NRG3: variants seen among roughly 807,000 people sequenced by gnomAD.
NRG3 encodes the protein neuregulin 3.
Under a neutral mutation model 66.9 loss-of-function variants are expected in NRG3, and 31 were observed. The ratio of observed to expected loss-of-function variants is 0.46; its 90% CI spans 0.35 to 0.63. The LOEUF (loss-of-function observed/expected upper bound fraction) is 0.63, where lower values mean the gene tolerates loss of function less well. Among genes scored for constraint, NRG3 ranks in the 20% least tolerant of loss-of-function variants. The pLI is 0.00. For synonymous variants in NRG3, 393 were observed against 359.4 expected (o/e 1.09, Z -1.06); for missense variants, 910 against 878.9 (o/e 1.04, Z -0.45).
intron 1 of NRG3, among the ~76,000 whole-genome samples, chr10:81,885,434 T>C (rs1301526107): frequency 6.6e-6 from 1 of 152,158 alleles, no homozygotes; most frequent in African/African-American, 2.4e-5. Context: ...CACTGCGAAG[T>C]ACCCATCACT....
chr10:82,469,803 A>C (rs552366298), intron 2 of NRG3, among the ~76,000 whole-genome samples: 4 of 152,086 alleles, frequency 2.6e-5, no homozygotes, highest in African/African-American at 9.7e-5. Flanking sequence ...GTTGCATTTC[A>C]GATTAGATGG....
intron 2 of NRG3, among the ~76,000 whole-genome samples, chr10:82,496,285 C>T (rs1262839883): frequency 6.6e-6 from 1 of 152,170 alleles, no homozygotes; most frequent in African/African-American, 2.4e-5. Flanking sequence ...ACTGCCAGTA[C>T]AAGGCAAGGA....
chr10:82,873,094 T>A (rs945049998), intron 4 of NRG3, among the ~76,000 whole-genome samples: 2 of 152,136 alleles, frequency 1.3e-5, no homozygotes, highest in African/African-American at 4.8e-5. Context: ...ACATTCAACA[T>A]GATTTTTCAT....
intron 1 of NRG3, among the ~76,000 whole-genome samples, chr10:82,302,010 TTC>T (rs1174373439): frequency 6.6e-6 from 1 of 152,020 alleles, no homozygotes; most frequent in Non-Finnish European, 1.5e-5. Flanking sequence ...TGTGTAATTT[TTC>T]TCTTTCTGTT....
At chr10:82,210,500 T>C (rs1338516302) in intron 1 of NRG3, among the ~76,000 whole-genome samples, 2 of 152,102 alleles carry the variant, frequency 1.3e-5, no homozygotes, top group Non-Finnish European at 2.9e-5. Context: ...GGAGATTGGG[T>C]TGTGCGAAAG....
intron 6 of NRG3, among the ~76,000 whole-genome samples, chr10:82,960,135 T>C (rs571155994): frequency 6.6e-6 from 1 of 152,332 alleles, no homozygotes; most frequent in South Asian, 2.1e-4. Flanking sequence ...TATTATGATG[T>C]CCATAACAGA....
intron 2 of NRG3, among the ~76,000 whole-genome samples, chr10:82,658,640 C>T (rs969077292): frequency 6.6e-6 from 1 of 151,628 alleles, no homozygotes; most frequent in Non-Finnish European, 1.5e-5. Flanking sequence ...AATAGAAAAC[C>T]GATTAGTGGT....
At position 82,985,022 on chromosome 10, in the gene NRG3, G is replaced by A. The variant is rs1051157313; in HGVS notation, c.1584-76G>A. 1.2e-5 allele frequency: 18 copies of A among 1,533,994 alleles called. No individual in the cohort carries two copies. The African/African-American group carries it at 2.5e-4, about 21-fold the overall frequency. On this transcript the variant is annotated intron_variant, in intron 8 of 8. Coordinates refer to ENST00000372141, the MANE Select transcript of NRG3 (RefSeq NM_001010848.4). The stretch of plus-strand genomic sequence containing the variant: ...TTCAGTGAGATGGTGCATGTGAAAA[G>A]TGCTTTGTGGATTGAGTATTGCTCT...
intron 1 of NRG3, among the ~76,000 whole-genome samples, chr10:82,325,065 C>T (rs1293518268): frequency 6.6e-6 from 1 of 152,114 alleles, no homozygotes; most frequent in African/African-American, 2.4e-5. Flanking sequence ...TTGATTTTTG[C>T]TTCATATATT....
At chr10:82,872,811 T>C (rs1841461323) in intron 4 of NRG3, among the ~76,000 whole-genome samples, 1 of 151,746 alleles carries the variant, frequency 6.6e-6, no homozygotes, top group Non-Finnish European at 1.5e-5. Context: ...TTAAGCTGAG[T>C]ATCAGCCAAA....
At chr10:82,029,796 A>C (rs2062479128) in intron 1 of NRG3, among the ~76,000 whole-genome samples, 1 of 152,104 alleles carries the variant, frequency 6.6e-6, no homozygotes, top group African/African-American at 2.4e-5. Flanking sequence ...CAGAATGATT[A>C]ATTAATGTTT....
At chr10:82,223,853 G>A (rs984446078) in intron 1 of NRG3, among the ~76,000 whole-genome samples, 16 of 152,108 alleles carry the variant, frequency 1.1e-4, no homozygotes, top group Non-Finnish European at 2.2e-4. Flanking sequence ...GAATTCTGGC[G>A]CTTCCAGAAA....
At chr10:82,850,961 C>T (rs2063534113) in intron 3 of NRG3, among the ~76,000 whole-genome samples, 1 of 151,818 alleles carries the variant, frequency 6.6e-6, no homozygotes, top group Non-Finnish European at 1.5e-5. Flanking sequence ...GTTTGAATCC[C>T]AGCACTTTTT....
At chr10:82,109,796 T>G (rs1236595146) in intron 1 of NRG3, among the ~76,000 whole-genome samples, 1 of 152,112 alleles carries the variant, frequency 6.6e-6, no homozygotes, top group Non-Finnish European at 1.5e-5. Flanking sequence ...AGCCTTCAAA[T>G]TCAGTACTAG....
chr10:82,785,655 G>A (rs1308661093), intron 3 of NRG3, among the ~76,000 whole-genome samples: 1 of 152,160 alleles, frequency 6.6e-6, no homozygotes, highest in Non-Finnish European at 1.5e-5. Flanking sequence ...TAGGACATCT[G>A]TCAGAAGAAA....
intron 1 of NRG3, among the ~76,000 whole-genome samples, chr10:81,935,030 A>C (rs973877985): frequency 6.6e-6 from 1 of 152,226 alleles, no homozygotes; most frequent in Non-Finnish European, 1.5e-5. Flanking sequence ...CATTTAAGCC[A>C]TGGCTGTTTA....
At chr10:82,540,901 G>A (rs2043496842) in intron 2 of NRG3, among the ~76,000 whole-genome samples, 1 of 152,136 alleles carries the variant, frequency 6.6e-6, no homozygotes, top group African/African-American at 2.4e-5. Context: ...TAGAGATAAG[G>A]CCTTTAAAGA....
intron 4 of NRG3, among the ~76,000 whole-genome samples, chr10:82,915,635 A>G (rs1845760839): frequency 1.2e-5 from 1 of 85,648 alleles, no homozygotes. Flanking sequence ...CTTCAAAGTA[A>G]AAAAAAAATT....
Position 82,231,417 on chromosome 10 carries a change from A to G in NRG3, c.824-127322A>G, listed in dbSNP as rs796525113. Among the ~76,000 whole-genome samples the G allele has an allele frequency of 5.3e-5, 8 of 152,258 alleles. No homozygotes were observed. The South Asian group carries it at 6.2e-4, about 12-fold the overall frequency. ...GTAACAAAAAAGGTAATAGAAAAAC[A>G]TGAGACCTTCAGATTATTAATAGTA... On this transcript the variant is annotated intron_variant, in intron 1 of 8. Transcript: ENST00000372141.
Sources: allele counts gnomAD v4.1 joint callset (sites outside exome capture counted in the v4.1 genomes callset), GRCh38; gene constraint gnomAD v4.1.1; transcripts MANE v1.5; gene names NCBI Gene and HGNC (gene_info 2026-07-23, HGNC 2026-07-21).